UGT2B11: variants seen among roughly 807,000 people sequenced by gnomAD.
UGT2B11 encodes the protein UDP glucuronosyltransferase family 2 member B11.
UGT2B11 carries 49 observed loss-of-function variants against 51.7 expected under a neutral mutation model. The observed-to-expected ratio is 0.95, with a 90% confidence interval of 0.75 to 1.20. The LOEUF is 1.20. Among genes scored for constraint, UGT2B11 ranks in the 50% most tolerant of loss-of-function variants. The pLI is 0.00. For missense variants in UGT2B11, 810 were observed against 622.1 expected (o/e 1.30, Z -3.21); for synonymous variants, 273 against 209.0 (o/e 1.31, Z -2.64).
intron 3 of UGT2B11, among the ~76,000 whole-genome samples, chr4:69,205,972 TATC>T (rs1316907451): frequency 2.0e-5 from 3 of 151,530 alleles, no homozygotes; most frequent in Non-Finnish European, 3.0e-5. Flanking sequence ...ATTCAAAAAA[TATC>T]ATGATGTTGG....
At chr4:69,206,539 T>G (rs1389889264) in intron 3 of UGT2B11, among the ~76,000 whole-genome samples, 1 of 151,604 alleles carries the variant, frequency 6.6e-6, no homozygotes, top group African/African-American at 2.4e-5. Context: ...TCTTAATACC[T>G]GAGTGATGAC....
chr4:69,224,605 C>A, the UGT2B11 span, among the ~76,000 whole-genome samples: 1 of 152,078 alleles, frequency 6.6e-6, no homozygotes, highest in Non-Finnish European at 1.5e-5. Context: ...ATACTCACCA[C>A]GTGACGATGT....
chr4:69,200,416 T>G lies in UGT2B11; in HGVS notation c.*24A>C. On this transcript the variant is annotated 3_prime_UTR_variant, in exon 6 of 6. Transcript: ENST00000446444. ...TGAAGTTGTCCTATCTATCTGGTTT[T>G]CCAGCTTCAAATGTCAGACATAACT... 1.3e-6 allele frequency: 2 copies of G among 1,597,404 alleles called. No individual in the cohort carries two copies. Among genetic ancestry groups the G allele is most frequent in the East Asian group, 4.5e-5 (2 of 44,204 alleles).
At position 69,205,567 on chromosome 4, in the gene UGT2B11, C is replaced by G. The variant is rs762266038; in HGVS notation, c.1003G>C (p.Val335Leu). ...TTATTCCCGTCAAATCTCCACAGAA[C>G]CTGTTACAGTAAAGAGAATATCTTA... is the stretch of plus-strand genomic sequence containing the variant. The part of the protein sequence containing the change: ...ATALAKIPQK[V>L]LWRFDGNKPD... Residue 335 changes from valine to leucine, a missense_variant and splice_region_variant, in exon 4 of 6, where the codon GTT (valine) becomes CTT (leucine). Val to Leu is a conservative substitution (Grantham distance 32). Transcript: ENST00000446444. 1.4e-5 allele frequency: 23 copies of G among 1,609,224 alleles called. No individual in the cohort carries two copies. The highest frequency in any genetic ancestry group is 1.8e-5 in the Non-Finnish European group (21 of 1,177,482).
Position 69,206,684 on chromosome 4 carries a change from G to A in UGT2B11, c.1003-1117C>T, listed in dbSNP as rs1721870811. Among the ~76,000 whole-genome samples the A allele has an allele frequency of 5.3e-5, 8 of 151,606 alleles. No homozygotes were observed. The South Asian group carries it at 1.7e-3, about 31-fold the overall frequency. ...AAAATAAAAATATTACAAAAAAAGT[G>A]TAAAAAATTATATGGAGTGATTGTA... On this transcript the variant is annotated intron_variant, in intron 3 of 5. Coordinates refer to ENST00000446444, the MANE Select transcript of UGT2B11 (RefSeq NM_001073.3).
At chr4:69,212,785 A>T (rs1722121923) in intron 1 of UGT2B11, 64 bp from the exon 2 acceptor site, 1 of 1,546,710 alleles carries the variant, frequency 6.5e-7, no homozygotes, top group African/African-American at 1.4e-5. Flanking sequence ...TACCTTTCTG[A>T]AAAAGGTTAG....
chr4:69,213,494 T>G (rs1015731789), intron 1 of UGT2B11, among the ~76,000 whole-genome samples: 6 of 151,786 alleles, frequency 4.0e-5, no homozygotes, highest in Non-Finnish European at 8.8e-5. Flanking sequence ...TATTGACTTT[T>G]GCATCTGAGA....
intron 3 of UGT2B11, 67 bp downstream of exon 3, chr4:69,208,284 A>G (rs1577963042): frequency 3.1e-6 from 5 of 1,598,394 alleles, no homozygotes; most frequent in Non-Finnish European, 4.3e-6. Flanking sequence ...TATTCTTTCT[A>G]TGTAGATCAC....
rs1412592457 is a variant in UGT2B11, at chr4:69,200,042, A to G, written c.*398T>C. The G allele has an allele frequency of 6.3e-6, 1 of 159,392 alleles. No homozygotes were observed. Among genetic ancestry groups the G allele is most frequent in the Non-Finnish European group, 1.4e-5 (1 of 73,266 alleles). 9.9% of individuals were successfully genotyped at this position (159,392 alleles called of 1,614,324 possible). On this transcript the variant is annotated 3_prime_UTR_variant, in exon 6 of 6. Transcript: ENST00000446444. ...GCCAAATTATTCTGAGGATGTGACT[A>G]CTGATACTGTCAGTAGACTTCTTAA...
At chr4:69,217,941 T>A (rs1300363436), upstream of UGT2B11, among the ~76,000 whole-genome samples, 1 of 152,072 alleles carries the variant, frequency 6.6e-6, no homozygotes, top group African/African-American at 2.4e-5. Flanking sequence ...TGTGAGCAAA[T>A]TTTGGAATGG....
upstream of UGT2B11, among the ~76,000 whole-genome samples, chr4:69,218,205 C>A (rs531660075): frequency 1.3e-5 from 2 of 152,094 alleles, no homozygotes; most frequent in Non-Finnish European, 2.9e-5. Context: ...AGCTTAGAGT[C>A]TACTTCTTGG....
chr4:69,207,172 T>C lies in UGT2B11; in HGVS notation c.1002+1179A>G, dbSNP rs545909191. On this transcript the variant is annotated intron_variant, in intron 3 of 5. Coordinates refer to ENST00000446444, the MANE Select transcript of UGT2B11 (RefSeq NM_001073.3). ...ACTTTGCTAAATTTGGTCAACTGAT[T>C]ATTAACACTTAGATAACGTGCTACA... is the stretch of plus-strand genomic sequence containing the variant. Among the ~76,000 whole-genome samples the C allele has an allele frequency of 3.3e-5, 5 of 151,776 alleles. No homozygotes were observed. In the South Asian group the frequency reaches 1.0e-3, roughly 31 times the overall value.
rs1721930664 is a variant in UGT2B11, at chr4:69,208,249, T to C, written c.1002+102A>G. 14 of 1,567,896 alleles carry C rather than the reference T, an allele frequency of 8.9e-6. No homozygotes were observed. The South Asian group carries it at 1.3e-4, about 14-fold the overall frequency. On this transcript the variant is annotated intron_variant, in intron 3 of 5. Transcript: ENST00000446444. ...AAGCATATTTAAGGATGTATTTGGA[T>C]GTAAAGAGTTCACTCTACTCTTAAT...
intron 3 of UGT2B11, among the ~76,000 whole-genome samples, chr4:69,206,672 TA>T (rs1721870163): frequency 6.6e-6 from 1 of 151,466 alleles, no homozygotes; most frequent in Admixed American, 6.6e-5. Flanking sequence ...ATAAAAATAT[TA>T]CAAAAAAAGT....
In UGT2B11 at chr4:69,214,147, G is replaced by T; in HGVS notation, c.576C>A (p.Ser192=). ...RHSGGLIFPP[S]YIPIVMSKLS... ...ATTTTGACATAACAATAGGTATGTA[G>T]GAAGGAGGGAAAATCAGTCCTCCAC... Residue 192 remains serine, a synonymous_variant, in exon 1 of 6, where the codon TCC becomes TCA. Transcript: ENST00000446444. 1 of 1,612,668 alleles carries T rather than the reference G, an allele frequency of 6.2e-7. No individual in the cohort carries two copies. Among genetic ancestry groups the T allele is most frequent in the Non-Finnish European group, 8.5e-7 (1 of 1,179,202 alleles).
chr4:69,210,039 C>T (rs1722000778), intron 2 of UGT2B11, among the ~76,000 whole-genome samples: 1 of 151,356 alleles, frequency 6.6e-6, no homozygotes, highest in African/African-American at 2.4e-5. Context: ...TCAATGTATA[C>T]ATGTGACACT....
chr4:69,220,265 C>CT, the UGT2B11 span, among the ~76,000 whole-genome samples: 661 of 151,532 alleles, frequency 4.4e-3, 8 homozygotes, highest in African/African-American at 0.015. Flanking sequence ...GCAGTTCAAC[C>CT]CTTTAGTTTT....
rs1721826816 is a variant in UGT2B11, at chr4:69,205,667, GTAAA to G, written c.1003-104_1003-101del. 2.5e-5 allele frequency: 32 copies of G among 1,304,220 alleles called. No homozygotes were observed. In the South Asian group the frequency reaches 4.1e-4, roughly 17 times the overall value. 80.8% of individuals were successfully genotyped at this position (1,304,220 alleles called of 1,614,324 possible). ...ATAGGAATGAGATCAAGGGATGTTA[GTAAA>G]TAAATCTACTCAAAGATTGATGTAA... is the stretch of plus-strand genomic sequence containing the variant. On this transcript the variant is annotated intron_variant, in intron 3 of 5. Coordinates refer to ENST00000446444, the MANE Select transcript of UGT2B11 (RefSeq NM_001073.3).
In UGT2B11 at chr4:69,200,516, A is replaced by G. The variant is rs1298572658; in HGVS notation, c.1514T>C (p.Ile505Thr). Residue 505 changes from isoleucine to threonine, a missense_variant, in exon 6 of 6, where the codon ATA becomes ACA. Physicochemically the swap from Ile to Thr is moderately conservative, Grantham distance 89. Coordinates refer to ENST00000446444, the MANE Select transcript of UGT2B11 (RefSeq NM_001073.3). ...CAGACAAAACTTTGTGATGATAAAT[A>G]TCACAGTTGCCACACAGGCCAGCAG... The part of the protein sequence containing the change: ...GFLLACVATV[I>T]FIITKFCLFC... The G allele has an allele frequency of 3.1e-6, 5 of 1,612,164 alleles. No homozygotes were observed. Among genetic ancestry groups the G allele is most frequent in the Admixed American group, 3.3e-5 (2 of 59,806 alleles).
Sources: gnomAD v4.1 joint callset for allele counts (sites outside exome capture counted in the v4.1 genomes callset) on GRCh38, gnomAD v4.1.1 for gene constraint, MANE v1.5 for transcripts, NCBI Gene and HGNC (gene_info 2026-07-23, HGNC 2026-07-21) for gene names.